BCAM: variants seen among roughly 807,000 people sequenced by gnomAD.
The protein encoded by BCAM is basal cell adhesion molecule.
Under a neutral mutation model 72.4 loss-of-function variants are expected in BCAM, and 61 were observed. The observed-to-expected ratio is 0.84, with a 90% CI of 0.69 to 1.04. The LOEUF (loss-of-function observed/expected upper bound fraction) is 1.04. Ranked by LOEUF, BCAM falls within the 50% of genes least tolerant of loss-of-function variation. The pLI is 0.00. For synonymous variants in BCAM, 408 were observed against 384.2 expected (o/e 1.06, Z -0.73); for missense variants, 909 against 895.0 (o/e 1.02, Z -0.20).
Position 44,811,854 on chromosome 19 carries a change from C to T in BCAM, c.205-309C>T, listed in dbSNP as rs376552366. The T allele has an allele frequency of 2.5e-5, 11 of 447,840 alleles. No individual in the cohort carries two copies. In the East Asian group the frequency reaches 4.0e-4, roughly 16 times the overall value. 27.7% of individuals were successfully genotyped at this position (447,840 alleles called of 1,614,324 possible). A position where few individuals can be genotyped will look rare whatever the true frequency, so the allele number is the denominator to read the frequency against. On this transcript the variant is annotated intron_variant, in intron 2 of 14. Coordinates refer to ENST00000270233, the MANE Select transcript of BCAM (RefSeq NM_005581.5). ...GAGCCGAGATCGAGCCAATGCTCTC[C>T]AGCCAGGCGACAGAGCAAGACTCTA...
rs142157942 is a variant in BCAM, at chr19:44,817,449, C to T, written c.1079-1073C>T. On this transcript the variant is annotated intron_variant, in intron 8 of 14. Transcript: ENST00000270233. ...GCCAGACCAGGCAGCATCTTTTAGG[C>T]ACCCTCAAGAAGTTTGGCCTCGATG... is the stretch of plus-strand genomic sequence containing the variant. Among the ~76,000 whole-genome samples, 467 of 152,108 alleles carry T rather than the reference C, an allele frequency of 3.1e-3. 8 individuals are homozygous for T. Among genetic ancestry groups the T allele is most frequent in the East Asian group, 1.4e-3 (7 of 5,168 alleles).
chr19:44,820,422 C>T lies in BCAM; in HGVS notation c.1764-283C>T, dbSNP rs950052820. On this transcript the variant is annotated intron_variant, in intron 13 of 14. Transcript: ENST00000270233. ...TTGTCTCCAGCCCCAACCACATGGC[C>T]GTCCTCACCTCCAATCCGTAACCAT... 13 of 1,195,504 alleles carry T rather than the reference C, an allele frequency of 1.1e-5. No individual in the cohort carries two copies. In the Admixed American group the frequency reaches 1.7e-4, roughly 16 times the overall value. The allele number at this position is 1,195,504 out of a possible 1,614,324, so 74.1% of individuals were successfully genotyped here. A position where few individuals can be genotyped will look rare whatever the true frequency, so the allele number is the denominator to read the frequency against.
chr19:44,812,419 G>A lies in BCAM; in HGVS notation c.433+28G>A. 6.2e-7 allele frequency: 1 copy of A among 1,614,154 alleles called. No individual in the cohort carries two copies. The highest frequency in any genetic ancestry group is 8.5e-7 in the Non-Finnish European group (1 of 1,179,992). On this transcript the variant is annotated intron_variant, in intron 3 of 14. Transcript: ENST00000270233. The surrounding 1 kb of genome is among the most constrained non-coding windows in gnomAD (Gnocchi z 5.3). ...AAGTGTCCTCGGGCATCCCCCGAAG[G>A]GAGGCAGGCAGGGAGGGGCGCAGGG... is the stretch of plus-strand genomic sequence containing the variant.
At position 44,818,461 on chromosome 19, in the gene BCAM, G is replaced by C; in HGVS notation, c.1079-61G>C. The C allele has an allele frequency of 4.2e-6, 6 of 1,427,146 alleles. No homozygotes were observed. The highest frequency in any genetic ancestry group is 5.9e-6 in the Non-Finnish European group (6 of 1,020,410). 88.4% of individuals were successfully genotyped at this position (1,427,146 alleles called of 1,614,324 possible). A position where few individuals can be genotyped will look rare whatever the true frequency, so the allele number is the denominator to read the frequency against. On this transcript the variant is annotated intron_variant, in intron 8 of 14. Coordinates refer to ENST00000270233, the MANE Select transcript of BCAM (RefSeq NM_005581.5). This position sits in a 1 kb window ranked among gnomAD's most constrained non-coding sequence, Gnocchi z 4.6. ...ATGTTTGCACCCCCGACCGCCCCTG[G>C]AGAGCCCCTAATTGAGTGGGTGGCG...
intron 8 of BCAM, among the ~76,000 whole-genome samples, chr19:44,816,176 G>A (rs1968501717): frequency 6.6e-6 from 1 of 152,022 alleles, no homozygotes; most frequent in Non-Finnish European, 1.5e-5. Context: ...CGGGTGTGGT[G>A]GCATGCACCT....
rs200023626 is a variant in BCAM at position 44,812,966 on chromosome 19, AG to A, written c.505-283del. On this transcript the variant is annotated intron_variant, in intron 4 of 14. Coordinates refer to ENST00000270233, the MANE Select transcript of BCAM (RefSeq NM_005581.5). The surrounding 1 kb of genome is among the most constrained non-coding windows in gnomAD (Gnocchi z 5.3). ...CTCCGTCTCAAAAAAAAAAAAAAAA[AG>A]AAGAAGAAAAGAAAAAAGAAAGGAA... 1,107 of 352,038 alleles carry A rather than the reference AG, an allele frequency of 3.1e-3. 10 individuals are homozygous for A. Among genetic ancestry groups the A allele is most frequent in the East Asian group, 0.025 (447 of 18,218 alleles). 21.8% of individuals were successfully genotyped at this position (352,038 alleles called of 1,614,324 possible).
intron 1 of BCAM, 95 bp downstream of exon 1, chr19:44,809,301 G>A: frequency 9.1e-7 from 1 of 1,100,738 alleles, no homozygotes; most frequent in South Asian, 2.8e-5. Context: ...ACCCCAGGAA[G>A]CAAAATGTGG....
At chr19:44,819,222 C>T in intron 11 of BCAM, 30 bp downstream of exon 11, 1 of 1,613,110 alleles carries the variant, frequency 6.2e-7, no homozygotes, top group African/African-American at 1.3e-5. Context: ...ACCCTGAGCC[C>T]CCTCTCACTC....
Position 44,820,730 on chromosome 19 carries a change from C to T in BCAM, c.1789C>T (p.His597Tyr), listed in dbSNP as rs138092970. ...APPPGEPGLS[H>Y]SGSEQPEQTG... ...GCCGCCAGGGGAGCCAGGGCTGAGC[C>T]ACTCGGGGTCGGAGCAACCAGAGCA... The change falls in exon 14 of 15, where the codon CAC becomes TAC. Residue 597 changes from histidine (H) to tyrosine (Y), a missense_variant. Physicochemically the swap from His to Tyr is moderately conservative, Grantham distance 83. Coordinates refer to ENST00000270233, the MANE Select transcript of BCAM (RefSeq NM_005581.5). 1.3e-4 allele frequency: 192 copies of T among 1,443,320 alleles called. 2 individuals carry two copies. In the East Asian group the frequency reaches 5.1e-3, roughly 38 times the overall value. 89.4% of individuals were successfully genotyped at this position (1,443,320 alleles called of 1,614,324 possible). A position where few individuals can be genotyped will look rare whatever the true frequency, so the allele number is the denominator to read the frequency against.
intron 8 of BCAM, among the ~76,000 whole-genome samples, chr19:44,817,633 C>T (rs1968520111): frequency 6.6e-6 from 1 of 151,910 alleles, no homozygotes. Flanking sequence ...CAACCTCCAC[C>T]TCCCAGGTTC....
intron 11 of BCAM, 64 bp downstream of exon 11, chr19:44,819,256 C>G: frequency 3.1e-6 from 5 of 1,610,946 alleles, no homozygotes; most frequent in Non-Finnish European, 4.2e-6. Context: ...ACCCTCCTTT[C>G]CACTTCCTGG....
chr19:44,811,511 G>A (rs775841694), intron 2 of BCAM, 165 bp downstream of exon 2: 46 of 1,173,734 alleles, frequency 3.9e-5, no homozygotes, highest in African/African-American at 4.6e-5. Flanking sequence ...AAGGTGCCCC[G>A]TGTCTAGGCA....
chr19:44,812,397 T>C lies in BCAM; in HGVS notation c.433+6T>C, dbSNP rs758735774. 1 of 1,614,000 alleles carries C rather than the reference T, an allele frequency of 6.2e-7. No individual in the cohort carries two copies. Among genetic ancestry groups the C allele is most frequent in the Non-Finnish European group, 8.5e-7 (1 of 1,179,926 alleles). On this transcript the variant is annotated splice_donor_region_variant and intron_variant, in intron 3 of 14. Coordinates refer to ENST00000270233, the MANE Select transcript of BCAM (RefSeq NM_005581.5). This position sits in a 1 kb window ranked among gnomAD's most constrained non-coding sequence, Gnocchi z 5.3. ...TGCGCGGCTCAACGTGTTTGGTAAG[T>C]GTCCTCGGGCATCCCCCGAAGGGAG...
At chr19:44,815,305 T>C (rs1054376310) in intron 8 of BCAM, among the ~76,000 whole-genome samples, 6 of 152,198 alleles carry the variant, frequency 3.9e-5, no homozygotes, top group African/African-American at 1.4e-4. Flanking sequence ...CTTCTAAGAA[T>C]GATTTTCAGT....
Position 44,819,120 on chromosome 19 carries a change from C to A in BCAM, c.1401C>A (p.Asp467Glu). ...PKADGSWREG[D>E]EVTLICSARG... Reference sequence around the variant, plus strand: ...CAGATGGCAGCTGGAGGGAAGGAGACGAAGTCACACTCATCTGCTCTGCCC... The same window carrying A: ...CAGATGGCAGCTGGAGGGAAGGAGAAGAAGTCACACTCATCTGCTCTGCCC... The change falls in exon 11 of 15, where the codon GAC becomes GAA. Residue 467 changes from aspartate to glutamate, a missense_variant. Coordinates refer to ENST00000270233, the MANE Select transcript of BCAM (RefSeq NM_005581.5). 3 of 1,614,110 alleles carry A rather than the reference C, an allele frequency of 1.9e-6. No homozygotes were observed. The highest frequency in any genetic ancestry group is 2.5e-6 in the Non-Finnish European group (3 of 1,179,996).
At position 44,818,462 on chromosome 19, in the gene BCAM, A is replaced by C; in HGVS notation, c.1079-60A>C. The C allele has an allele frequency of 1.4e-6, 2 of 1,429,048 alleles. No homozygotes were observed. Among genetic ancestry groups the C allele is most frequent in the Non-Finnish European group, 2.0e-6 (2 of 1,021,704 alleles). 88.5% of individuals were successfully genotyped at this position (1,429,048 alleles called of 1,614,324 possible). A position where few individuals can be genotyped will look rare whatever the true frequency, so the allele number is the denominator to read the frequency against. ...TGTTTGCACCCCCGACCGCCCCTGG[A>C]GAGCCCCTAATTGAGTGGGTGGCGG... On this transcript the variant is annotated intron_variant, in intron 8 of 14. Transcript: ENST00000270233. This position sits in a 1 kb window ranked among gnomAD's most constrained non-coding sequence, Gnocchi z 4.6.
Position 44,819,040 on chromosome 19 carries a change from TCCCCACCA to T in BCAM, c.1337-12_1337-5del, listed in dbSNP as rs771831837. 1.2e-5 allele frequency: 19 copies of T among 1,612,470 alleles called. No individual in the cohort carries two copies. The highest frequency in any genetic ancestry group is 1.2e-5 in the Non-Finnish European group (14 of 1,179,138). ...CTCCTCTCCCTTCACTTTCTTCCCA[TCCCCACCA>T]CCCACAGGCTCGCCAGAGCTAAAGA... On this transcript the variant is annotated splice_region_variant and splice_polypyrimidine_tract_variant and intron_variant, in intron 10 of 14. Transcript: ENST00000270233.
intron 13 of BCAM, chr19:44,820,423 G>A (rs974163679): frequency 4.3e-5 from 51 of 1,190,322 alleles, no homozygotes; most frequent in Middle Eastern, 3.4e-4. Context: ...CCACATGGCC[G>A]TCCTCACCTC....
At position 44,814,859 on chromosome 19, in the gene BCAM, C is replaced by T; in HGVS notation, c.1078+99C>T. Reference sequence around the variant, plus strand: ...CCTGAAGTTGCTCTGTCATCCCAAACACTCTGCCTTCAACCCTTTCTCTGC... The same window carrying T: ...CCTGAAGTTGCTCTGTCATCCCAAATACTCTGCCTTCAACCCTTTCTCTGC... On this transcript the variant is annotated intron_variant, in intron 8 of 14. Coordinates refer to ENST00000270233, the MANE Select transcript of BCAM (RefSeq NM_005581.5). This position sits in a 1 kb window ranked among gnomAD's most constrained non-coding sequence, Gnocchi z 4.6. 1 of 1,278,468 alleles carries T rather than the reference C, an allele frequency of 7.8e-7. No individual in the cohort carries two copies. Among genetic ancestry groups the T allele is most frequent in the Non-Finnish European group, 1.0e-6 (1 of 970,138 alleles). 79.2% of individuals were successfully genotyped at this position (1,278,468 alleles called of 1,614,324 possible).
Sources: gnomAD v4.1 joint callset for allele counts (sites outside exome capture counted in the v4.1 genomes callset) on GRCh38, gnomAD v4.1.1 for gene constraint, Gnocchi (gnomAD v3.1) non-coding constraint, MANE v1.5 for transcripts, NCBI Gene and HGNC (gene_info 2026-07-23, HGNC 2026-07-21) for gene names.